The following MTA3 variants were observed in gnomAD, a reference collection of about 807,000 sequenced individuals.
MTA3 encodes the protein metastasis associated 1 family member 3.
A neutral mutation model predicts 83.5 loss-of-function variants in MTA3; 34 were observed. The ratio of observed to expected loss-of-function variants is 0.41; its 90% CI spans 0.31 to 0.54. The LOEUF is 0.54. MTA3 is among the 20% of genes least tolerant of loss of function. MTA3 has a pLI of 0.33. For missense variants in MTA3, 761 were observed against 726.4 expected (o/e 1.05, Z -0.55); for synonymous variants, 303 against 252.7 (o/e 1.20, Z -1.89).
At chr2:42,525,716 G>A (rs530585735) in intron 2 of MTA3, among the ~76,000 whole-genome samples, 2 of 151,552 alleles carry the variant, frequency 1.3e-5, no homozygotes, top group African/African-American at 4.8e-5. Flanking sequence ...GGAGCACAGT[G>A]GCACAATCTC....
chr2:42,682,180 C>T (rs1408358174), intron 8 of MTA3, among the ~76,000 whole-genome samples: 1 of 152,078 alleles, frequency 6.6e-6, no homozygotes, highest in African/African-American at 2.4e-5. Flanking sequence ...TAGAGGGATA[C>T]CCTGTGCTCC....
At position 42,755,427 on chromosome 2, in the gene MTA3, CCCCTCCTATCTACCCA is replaced by C. The variant is rs1263070113; in HGVS notation, c.*2029_*2044del. 7 of 985,360 alleles carry C rather than the reference CCCCTCCTATCTACCCA, an allele frequency of 7.1e-6. No individual in the cohort carries two copies. The highest frequency in any genetic ancestry group is 8.4e-6 in the Non-Finnish European group (7 of 829,972). The allele number at this position is 985,360 out of a possible 1,614,324, so 61.0% of individuals were successfully genotyped here. ...CAGGTCTGAAGCAGGAGAAGGGAGGCCCCTCCTATCTACCCAGTTGACATTTGGCTTTGGGAAAAGC... is the reference window on the plus strand; with the variant it reads ...CAGGTCTGAAGCAGGAGAAGGGAGGCGTTGACATTTGGCTTTGGGAAAAGC... On this transcript the variant is annotated 3_prime_UTR_variant, in exon 17 of 17. Coordinates refer to ENST00000405094, the MANE Select transcript of MTA3 (RefSeq NM_001330442.2).
At chr2:42,597,513 G>C (rs1301937228) in intron 3 of MTA3, among the ~76,000 whole-genome samples, 7 of 149,972 alleles carry the variant, frequency 4.7e-5, no homozygotes, top group Non-Finnish European at 1.0e-4. Context: ...AGCCTCCTGA[G>C]TTACTGGGAT....
At chr2:42,691,057 A>G (rs563726285) in intron 9 of MTA3, among the ~76,000 whole-genome samples, 8 of 152,002 alleles carry the variant, frequency 5.3e-5, no homozygotes, top group African/African-American at 1.4e-4. Context: ...TCTTATTTTC[A>G]GTAGAAATGG....
chr2:42,752,887 T>G (rs1669987866), intron 16 of MTA3, among the ~76,000 whole-genome samples: 1 of 152,060 alleles, frequency 6.6e-6, no homozygotes, highest in South Asian at 2.1e-4. Context: ...TGGCCCTAAT[T>G]AAACTTTCCC....
At chr2:42,751,280 C>T (rs1669853933) in intron 16 of MTA3, among the ~76,000 whole-genome samples, 1 of 152,208 alleles carries the variant, frequency 6.6e-6, no homozygotes, top group South Asian at 2.1e-4. Context: ...AAGTGCCTGT[C>T]AGTCAGGGCG....
At chr2:42,570,905 C>T (rs1216687745) in intron 2 of MTA3, among the ~76,000 whole-genome samples, 1 of 151,442 alleles carries the variant, frequency 6.6e-6, no homozygotes, top group African/African-American at 2.4e-5. Context: ...CCCAGCTACT[C>T]GAGAGGCTGA....
rs35541351 is a variant in MTA3 at position 42,515,841 on chromosome 2, AT to A, written c.-141+20601del. Among the ~76,000 whole-genome samples the A allele has an allele frequency of 9.5e-3, 1,265 of 132,538 alleles. 6 individuals carry two copies. Among genetic ancestry groups the A allele is most frequent in the African/African-American group, 0.012 (434 of 35,876 alleles). 87.0% of individuals were successfully genotyped at this position (132,538 alleles called of 152,430 possible). A position where few individuals can be genotyped will look rare whatever the true frequency, so the allele number is the denominator to read the frequency against. Reference sequence around the variant, plus strand: ...TATTTTATTTTGTTTTATTTTATGTATTTTTTTTTTTTTTGAGACAAGAGTC... The same window carrying A: ...TATTTTATTTTGTTTTATTTTATGTATTTTTTTTTTTTTGAGACAAGAGTC... On this transcript the variant is annotated intron_variant, in intron 2 of 17. Transcript: ENST00000405592.
intron 2 of MTA3, among the ~76,000 whole-genome samples, chr2:42,496,518 T>C (rs1175334837): frequency 6.6e-6 from 1 of 151,678 alleles, no homozygotes; most frequent in Non-Finnish European, 1.5e-5. Flanking sequence ...TTTAGGGTCT[T>C]CATATCTAAA....
At chr2:42,514,008 G>T (rs975223521) in intron 2 of MTA3, among the ~76,000 whole-genome samples, 5 of 152,172 alleles carry the variant, frequency 3.3e-5, no homozygotes, top group African/African-American at 1.2e-4. Context: ...GAGGTCAGGA[G>T]TTCAAGACCA....
chr2:42,752,152 T>C, intron 16 of MTA3: 1 of 470,684 alleles, frequency 2.1e-6, no homozygotes, highest in Non-Finnish European at 4.4e-6. Flanking sequence ...CTAAACTGAA[T>C]TTATCTGGGC....
chr2:42,680,797 G>T (rs951697264), intron 8 of MTA3, among the ~76,000 whole-genome samples: 1 of 152,154 alleles, frequency 6.6e-6, no homozygotes, highest in Admixed American at 6.5e-5. Context: ...TGTTGCCCAG[G>T]CTGGGGTGCA....
chr2:42,603,107 CT>C (rs11352685), intron 3 of MTA3, among the ~76,000 whole-genome samples: 92,776 of 128,258 alleles, frequency 0.72, 33,086 homozygotes, highest in Middle Eastern at 0.86. Context: ...AATAAATTTA[CT>C]TTTTTTTTTT....
Position 42,640,204 on chromosome 2 carries a change from A to G in MTA3, c.349A>G (p.Thr117Ala). Residue 117 changes from threonine (T) to alanine (A), a missense_variant, in exon 5 of 17, where the codon ACA (threonine) becomes GCA (alanine). Thr to Ala is a moderately conservative substitution (Grantham distance 58, BLOSUM62 0). Coordinates refer to ENST00000405094, the MANE Select transcript of MTA3 (RefSeq NM_001330442.2). ...GTGCAGTGTTGCCCTTCTGAATGAGACAGAATCAGTATTGTCATATCTTGA... is the reference window on the plus strand; with the variant it reads ...GTGCAGTGTTGCCCTTCTGAATGAGGCAGAATCAGTATTGTCATATCTTGA... ...GKCSVALLNETESVLSYLDKE... is the reference protein window; with the variant it reads ...GKCSVALLNEAESVLSYLDKE... The G allele has an allele frequency of 1.2e-6, 2 of 1,608,686 alleles. No homozygotes were observed. Among genetic ancestry groups the G allele is most frequent in the Non-Finnish European group, 1.7e-6 (2 of 1,178,148 alleles).
intron 16 of MTA3, among the ~76,000 whole-genome samples, chr2:42,737,466 C>A (rs571807655): frequency 3.9e-5 from 6 of 152,288 alleles, no homozygotes; most frequent in South Asian, 4.1e-4. Context: ...CTCTTCCCTT[C>A]CCTCTTCAGT....
chr2:42,704,197 C>A lies in MTA3; in HGVS notation c.1029C>A (p.Ser343Arg). ...CTTATTTTAATTTCATTGAAAGCAG[C>A]AAACCAAATCCCAACCAAATATCCA... is the stretch of plus-strand genomic sequence containing the variant. The part of the protein sequence containing the change: ...KLKQVYIPTY[S>R]KPNPNQISTS... The change falls in exon 12 of 17, where the codon AGC becomes AGA. Residue 343 changes from serine to arginine, a missense_variant. Coordinates refer to ENST00000405094, the MANE Select transcript of MTA3 (RefSeq NM_001330442.2). The A allele has an allele frequency of 6.2e-7, 1 of 1,613,620 alleles. No homozygotes were observed. The highest frequency in any genetic ancestry group is 8.5e-7 in the Non-Finnish European group (1 of 1,179,690).
intron 6 of MTA3, among the ~76,000 whole-genome samples, chr2:42,655,319 T>C (rs1249721129): frequency 1.3e-5 from 2 of 152,202 alleles, no homozygotes; most frequent in Non-Finnish European, 2.9e-5. Context: ...CATAAAGTAC[T>C]CCAGACATTA....
At chr2:42,499,017 T>A (rs908636114) in intron 2 of MTA3, among the ~76,000 whole-genome samples, 2 of 152,142 alleles carry the variant, frequency 1.3e-5, no homozygotes, top group African/African-American at 2.4e-5. Context: ...AGAGTGGTCT[T>A]GTTTACAGAG....
At chr2:42,694,207 G>A (rs1693168234) in intron 9 of MTA3, among the ~76,000 whole-genome samples, 1 of 152,146 alleles carries the variant, frequency 6.6e-6, no homozygotes, top group African/African-American at 2.4e-5. Flanking sequence ...CCCCTGAGCT[G>A]TACTGCCTAG....
Sources: allele counts gnomAD v4.1 joint callset (sites outside exome capture counted in the v4.1 genomes callset), GRCh38; gene constraint gnomAD v4.1.1; transcripts MANE v1.5; gene names NCBI Gene and HGNC (gene_info 2026-07-23, HGNC 2026-07-21).